CELF2: variants seen among roughly 807,000 people sequenced by gnomAD.
The protein encoded by CELF2 is CUG triplet repeat RNA-binding protein 2.
Under a neutral mutation model 62.6 loss-of-function variants are expected in CELF2, and 8 were observed. That is an observed-to-expected ratio of 0.13 (90% CI 0.07 to 0.23). CELF2 has a LOEUF of 0.23. Among genes scored for constraint, CELF2 ranks in the 10% least tolerant of loss-of-function variants. The pLI is 1.00. For missense variants in CELF2, 333 were observed against 671.0 expected, an observed-to-expected ratio of 0.50 and a Z score of 5.56; for synonymous variants, 258 against 250.0, an observed-to-expected ratio of 1.03 and a Z score of -0.30.
chr10:10,927,378 G>C (rs935604899), intron 2 of CELF2: 6 of 113,354 alleles, frequency 5.3e-5, no homozygotes, highest in African/African-American at 2.4e-4. Context: ...ACCTTTTTCT[G>C]TTCTCAGACT....
At chr10:10,653,779 T>C in the CELF2 span, among the ~76,000 whole-genome samples, 2 of 147,568 alleles carry the variant, frequency 1.4e-5, no homozygotes, top group African/African-American at 5.0e-5. Context: ...AGATCCAAAA[T>C]TGACACCCTA....
chr10:10,784,509 G>C, the CELF2 span: 1 of 152,416 alleles, frequency 6.6e-6, no homozygotes, highest in Non-Finnish European at 1.5e-5. Context: ...AGCTGGAAGG[G>C]GGATGGAGTG....
the CELF2 span, among the ~76,000 whole-genome samples, chr10:10,517,280 T>C: frequency 6.6e-6 from 1 of 151,686 alleles, no homozygotes; most frequent in Non-Finnish European, 1.5e-5. Flanking sequence ...TGGCCTGAAG[T>C]GGTAGGAGGT....
Position 11,270,866 on chromosome 10 carries a change from A to C in CELF2, c.777+42A>C. The C allele has an allele frequency of 7.5e-7, 1 of 1,332,112 alleles. No homozygotes were observed. The highest frequency in any genetic ancestry group is 9.7e-7 in the Non-Finnish European group (1 of 1,029,552). The allele number at this position is 1,332,112 out of a possible 1,614,324, so 82.5% of individuals were successfully genotyped here. A position where few individuals can be genotyped will look rare whatever the true frequency, so the allele number is the denominator to read the frequency against. On this transcript the variant is annotated intron_variant, in intron 7 of 12. Coordinates refer to ENST00000633077, the MANE Select transcript of CELF2 (RefSeq NM_001326342.2). This position sits in a 1 kb window ranked among gnomAD's most constrained non-coding sequence, Gnocchi z 5.8. The stretch of plus-strand genomic sequence containing the variant: ...GCCGGCGTGGTCTTCACCCGCTGAA[A>C]CTCTGCAAACTGACTTTTCCCCTCC...
the CELF2 span, among the ~76,000 whole-genome samples, chr10:10,579,968 T>A: frequency 2.6e-4 from 40 of 152,118 alleles, 1 homozygote; most frequent in South Asian, 6.8e-3. Context: ...CAGGAACCGA[T>A]AACAAAGAGT....
In CELF2 at chr10:11,312,000, A is replaced by G. The variant is rs1324730134; in HGVS notation, c.977-2139A>G. Among the ~76,000 whole-genome samples, 1 of 152,246 alleles carries G rather than the reference A, an allele frequency of 6.6e-6. No individual in the cohort carries two copies. Among genetic ancestry groups the G allele is most frequent in the Non-Finnish European group, 1.5e-5 (1 of 68,040 alleles). On this transcript the variant is annotated intron_variant, in intron 9 of 12. Coordinates refer to ENST00000633077, the MANE Select transcript of CELF2 (RefSeq NM_001326342.2). The surrounding 1 kb of genome is among the most constrained non-coding windows in gnomAD (Gnocchi z 4.7). The stretch of plus-strand genomic sequence containing the variant: ...TAAAAATCAATCTAAACTTGGAAGC[A>G]CCATAGTGATAAATGCAGAACACCA...
the CELF2 span, among the ~76,000 whole-genome samples, chr10:10,745,046 G>A: frequency 6.7e-6 from 1 of 149,890 alleles, no homozygotes; most frequent in Non-Finnish European, 1.5e-5. Context: ...ATTCCTGCCG[G>A]AAACGTTTCT....
intron 1 of CELF2, among the ~76,000 whole-genome samples, chr10:11,065,606 A>G (rs1211118248): frequency 6.6e-6 from 1 of 152,198 alleles, no homozygotes; most frequent in East Asian, 1.9e-4. Context: ...TCTTTGAACC[A>G]ATAGGGAAAA....
Position 11,309,428 on chromosome 10 carries a change from C to T in CELF2, c.977-4711C>T, listed in dbSNP as rs1591245474. ...AGCTATGAGTGACATTCCTATTTTT[C>T]CTTTGTTAAATTACAAAATTCTTCC... On this transcript the variant is annotated intron_variant, in intron 9 of 12. Coordinates refer to ENST00000633077, the MANE Select transcript of CELF2 (RefSeq NM_001326342.2). The surrounding 1 kb of genome is among the most constrained non-coding windows in gnomAD (Gnocchi z 5.6). Among the ~76,000 whole-genome samples, 1 of 152,226 alleles carries T rather than the reference C, an allele frequency of 6.6e-6. No individual in the cohort carries two copies. The highest frequency in any genetic ancestry group is 2.4e-5 in the African/African-American group (1 of 41,454).
At chr10:10,522,513 G>A in the CELF2 span, among the ~76,000 whole-genome samples, 2 of 152,206 alleles carry the variant, frequency 1.3e-5, no homozygotes, top group African/African-American at 4.8e-5. Context: ...ACATATTTTT[G>A]AAAAGTCAAG....
intron 1 of CELF2, among the ~76,000 whole-genome samples, chr10:10,861,585 A>C (rs903605290): frequency 6.6e-6 from 1 of 152,212 alleles, no homozygotes; most frequent in Non-Finnish European, 1.5e-5. Flanking sequence ...TAAATCCACC[A>C]GAGGAGTTAA....
chr10:10,638,933 C>T, the CELF2 span, among the ~76,000 whole-genome samples: 1 of 152,162 alleles, frequency 6.6e-6, no homozygotes, highest in African/African-American at 2.4e-5. Flanking sequence ...ATCAGAGCTC[C>T]AGTAGATCCC....
chr10:10,742,454 C>A, the CELF2 span, among the ~76,000 whole-genome samples: 10 of 152,108 alleles, frequency 6.6e-5, no homozygotes, highest in African/African-American at 2.2e-4. Context: ...CATGGCAAAA[C>A]CCTGTCTTAA....
At chr10:10,538,948 AG>A in the CELF2 span, among the ~76,000 whole-genome samples, 5 of 152,250 alleles carry the variant, frequency 3.3e-5, no homozygotes, top group African/African-American at 1.2e-4. Context: ...AGAGGGAAGT[AG>A]GACATAAATG....
chr10:11,235,891 G>A (rs1204278279), intron 3 of CELF2, among the ~76,000 whole-genome samples: 1 of 152,140 alleles, frequency 6.6e-6, no homozygotes, highest in Non-Finnish European at 1.5e-5. Flanking sequence ...GAGTAAGAAT[G>A]GGGAATTACC....
intron 2 of CELF2, among the ~76,000 whole-genome samples, chr10:10,921,685 C>T (rs1205579655): frequency 6.6e-6 from 1 of 152,082 alleles, no homozygotes; most frequent in Non-Finnish European, 1.5e-5. Context: ...GGATCCAGGG[C>T]ACAGATGGGA....
intron 2 of CELF2, among the ~76,000 whole-genome samples, chr10:10,932,486 C>T (rs1043879701): frequency 6.6e-6 from 1 of 152,200 alleles, no homozygotes; most frequent in South Asian, 2.1e-4. Context: ...TGTATATGTA[C>T]ATCAAGACAT....
At chr10:10,588,469 G>T in the CELF2 span, among the ~76,000 whole-genome samples, 7 of 152,246 alleles carry the variant, frequency 4.6e-5, no homozygotes, top group East Asian at 1.2e-3. Context: ...ATTAAAGGGC[G>T]TATTGGGATT....
At chr10:10,763,067 C>A in the CELF2 span, among the ~76,000 whole-genome samples, 2 of 152,222 alleles carry the variant, frequency 1.3e-5, no homozygotes, top group Non-Finnish European at 2.9e-5. Flanking sequence ...CATGCGATCT[C>A]TGCTTAGCCT....
Sources: allele counts gnomAD v4.1 joint callset (sites outside exome capture counted in the v4.1 genomes callset), GRCh38; gene constraint gnomAD v4.1.1; non-coding constraint Gnocchi (gnomAD v3.1); transcripts MANE v1.5; gene names NCBI Gene and HGNC (gene_info 2026-07-23, HGNC 2026-07-21).